Variants in CHST9 observed in about 807,000 individuals in gnomAD.
CHST9 encodes GalNAc-4-sulfotransferase 2.
Under a neutral mutation model 44.4 loss-of-function variants are expected in CHST9, and 41 were observed. That is an observed-to-expected ratio of 0.92 (90% confidence interval 0.72 to 1.20). CHST9 has a LOEUF of 1.20. Among genes scored for constraint, CHST9 ranks in the 50% most tolerant of loss-of-function variants. The pLI is 0.00. For synonymous variants in CHST9, 171 were observed against 178.4 expected (o/e 0.96, Z 0.33); for missense variants, 504 against 516.5 (o/e 0.98, Z 0.23).
At chr18:27,138,093 A>G (rs534946074) in intron 2 of CHST9, among the ~76,000 whole-genome samples, 1 of 152,030 alleles carries the variant, frequency 6.6e-6, no homozygotes, top group African/African-American at 2.4e-5. Context: ...CCTGCCTGCA[A>G]CTCATTAGTT....
chr18:26,919,989 A>G (rs1320219156), intron 5 of CHST9, among the ~76,000 whole-genome samples: 3 of 152,152 alleles, frequency 2.0e-5, no homozygotes, highest in East Asian at 1.9e-4. Context: ...TGTGAAATCA[A>G]TGTGTTCTCC....
intron 4 of CHST9, 134 bp downstream of exon 4, chr18:27,023,982 G>A (rs1487583724): frequency 2.4e-6 from 2 of 845,560 alleles, no homozygotes; most frequent in Non-Finnish European, 3.7e-6. Flanking sequence ...CACCTAGGCA[G>A]TGCTTCCTAG....
chr18:27,129,550 G>A (rs1299740227), intron 2 of CHST9, among the ~76,000 whole-genome samples: 3 of 151,840 alleles, frequency 2.0e-5, no homozygotes, highest in Non-Finnish European at 4.4e-5. Flanking sequence ...GCATCATCAT[G>A]CCCAGATAAT....
intron 5 of CHST9, among the ~76,000 whole-genome samples, chr18:26,926,822 C>T (rs1257196520): frequency 6.6e-6 from 1 of 152,082 alleles, no homozygotes; most frequent in African/African-American, 2.4e-5. Flanking sequence ...TGTGTCTGTA[C>T]ATATTAAATG....
intron 4 of CHST9, among the ~76,000 whole-genome samples, chr18:27,003,536 T>C (rs1473899779): frequency 6.6e-6 from 1 of 152,152 alleles, no homozygotes; most frequent in Non-Finnish European, 1.5e-5. Context: ...GGGTGTATAA[T>C]ATAGAAAGAT....
chr18:27,124,418 A>T (rs2143818044), intron 2 of CHST9, among the ~76,000 whole-genome samples: 1 of 152,374 alleles, frequency 6.6e-6, no homozygotes, highest in African/African-American at 2.4e-5. Context: ...GTGCCAGAGT[A>T]AAATTTGAAT....
At chr18:27,161,800 T>G (rs370595067) in intron 1 of CHST9, among the ~76,000 whole-genome samples, 66 of 152,140 alleles carry the variant, frequency 4.3e-4, no homozygotes, top group African/African-American at 1.4e-3. Context: ...TCCTGTATTG[T>G]GTGCATATAT....
intron 1 of CHST9, among the ~76,000 whole-genome samples, chr18:27,146,080 C>T (rs1424785509): frequency 5.3e-5 from 8 of 152,200 alleles, no homozygotes; most frequent in Admixed American, 2.6e-4. Flanking sequence ...CTCATAAATC[C>T]AAGCAGAGCC....
intron 2 of CHST9, among the ~76,000 whole-genome samples, chr18:27,058,870 A>G (rs190805565): frequency 6.6e-6 from 1 of 152,282 alleles, no homozygotes; most frequent in African/African-American, 2.4e-5. Context: ...GTTTTGTCAT[A>G]CTTGGTTACA....
chr18:26,923,819 G>A (rs959309718), intron 5 of CHST9, among the ~76,000 whole-genome samples: 8 of 152,178 alleles, frequency 5.3e-5, no homozygotes, highest in African/African-American at 1.9e-4. Flanking sequence ...AAAGAAAAAA[G>A]TGCTTAATTT....
intron 5 of CHST9, among the ~76,000 whole-genome samples, chr18:26,931,946 C>A (rs1171731109): frequency 6.6e-6 from 1 of 152,018 alleles, no homozygotes; most frequent in Non-Finnish European, 1.5e-5. Context: ...CTCTCACTAC[C>A]TAACCCATGC....
intron 4 of CHST9, among the ~76,000 whole-genome samples, chr18:27,022,295 T>A (rs192762647): frequency 1.5e-3 from 224 of 152,214 alleles, no homozygotes; most frequent in African/African-American, 4.9e-3. Context: ...TCTCTCAAAT[T>A]TCTTTATATC....
intron 2 of CHST9, among the ~76,000 whole-genome samples, chr18:27,108,573 T>C (rs2143772982): frequency 1.3e-5 from 2 of 152,224 alleles, no homozygotes; most frequent in Middle Eastern, 6.8e-3. Flanking sequence ...AAAAAATGCA[T>C]CCAATTAGAA....
intron 1 of CHST9, among the ~76,000 whole-genome samples, chr18:27,184,268 G>T (rs2058937317): frequency 6.6e-6 from 1 of 152,096 alleles, no homozygotes; most frequent in Non-Finnish European, 1.5e-5. Context: ...GAGGGAGCTG[G>T]GGGTGGACCG....
At chr18:27,093,111 A>T (rs1258224229) in intron 2 of CHST9, among the ~76,000 whole-genome samples, 1 of 152,126 alleles carries the variant, frequency 6.6e-6, no homozygotes, top group Non-Finnish European at 1.5e-5. Context: ...TGGAAGCTTC[A>T]TCCCAGAGGG....
intron 5 of CHST9, among the ~76,000 whole-genome samples, chr18:26,938,166 C>T (rs1237176588): frequency 2.0e-5 from 3 of 152,036 alleles, no homozygotes; most frequent in African/African-American, 7.2e-5. Flanking sequence ...ATCTAGATAC[C>T]TTTCCACAGG....
chr18:27,078,595 T>A (rs2057930307), intron 2 of CHST9, among the ~76,000 whole-genome samples: 1 of 152,192 alleles, frequency 6.6e-6, no homozygotes, highest in South Asian at 2.1e-4. Flanking sequence ...TCAATGGTGT[T>A]ATGTGACTTG....
At chr18:26,957,912 G>T (rs1178540912) in intron 4 of CHST9, among the ~76,000 whole-genome samples, 6 of 151,272 alleles carry the variant, frequency 4.0e-5, no homozygotes, top group Admixed American at 4.0e-4. Flanking sequence ...TTTTAGATGG[G>T]GTCACTCTTT....
At chr18:27,182,234 T>G (rs2058917993) in intron 1 of CHST9, among the ~76,000 whole-genome samples, 1 of 152,236 alleles carries the variant, frequency 6.6e-6, no homozygotes, top group African/African-American at 2.4e-5. Context: ...CATGTTCTTA[T>G]GTAATATCCA....
Sources: gnomAD v4.1 joint callset for allele counts (sites outside exome capture counted in the v4.1 genomes callset) on GRCh38, gnomAD v4.1.1 for gene constraint, MANE v1.5 for transcripts, NCBI Gene and HGNC (gene_info 2026-07-23, HGNC 2026-07-21) for gene names.